Variants in MTUS1 observed in about 807,000 individuals in gnomAD.
MTUS1 encodes microtubule-associated tumor suppressor 1.
MTUS1 carries 109 observed loss-of-function variants against 120.8 expected under a neutral mutation model. The ratio of observed to expected loss-of-function variants is 0.90; its 90% CI spans 0.77 to 1.06. The LOEUF is 1.06. MTUS1 is among the 50% of genes least tolerant of loss of function. The pLI, the probability that MTUS1 is intolerant of heterozygous loss-of-function variation, is 0.00. For missense variants in MTUS1, 2,210 were observed against 1,486.3 expected (o/e 1.49, Z -8.01); for synonymous variants, 737 against 550.5 (o/e 1.34, Z -4.74).
intron 1 of MTUS1, among the ~76,000 whole-genome samples, chr8:17,796,558 T>C (rs1426993014): frequency 6.6e-6 from 1 of 152,144 alleles, no homozygotes; most frequent in African/African-American, 2.4e-5. Flanking sequence ...AATCTGCTTC[T>C]AGGGTATGAA....
chr8:17,778,083 C>G (rs1239377129), intron 1 of MTUS1, among the ~76,000 whole-genome samples: 1 of 152,032 alleles, frequency 6.6e-6, no homozygotes, highest in Non-Finnish European at 1.5e-5. Context: ...TGTTATTAAA[C>G]TAGGAAGAAA....
intron 1 of MTUS1, among the ~76,000 whole-genome samples, chr8:17,771,667 C>T (rs779099882): frequency 1.3e-5 from 2 of 152,278 alleles, no homozygotes; most frequent in East Asian, 1.9e-4. Context: ...AGGCAGTCTA[C>T]GCATGAAAAC....
At chr8:17,721,446 C>T (rs764824521) in intron 4 of MTUS1, among the ~76,000 whole-genome samples, 2 of 152,106 alleles carry the variant, frequency 1.3e-5, no homozygotes, top group Non-Finnish European at 2.9e-5. Context: ...ATCAAAAAGT[C>T]TTTGATAATA....
intron 1 of MTUS1, chr8:17,770,608 C>A (rs2049952284): frequency 6.6e-6 from 1 of 152,176 alleles, no homozygotes; most frequent in African/African-American, 2.4e-5. Flanking sequence ...CCAGACCGTA[C>A]AATGAAGCCT....
intron 1 of MTUS1, among the ~76,000 whole-genome samples, chr8:17,768,193 G>A (rs1342801672): frequency 1.3e-5 from 2 of 152,204 alleles, no homozygotes; most frequent in Non-Finnish European, 2.9e-5. Flanking sequence ...AGAGATACAC[G>A]AAGGATTTAC....
intron 7 of MTUS1, among the ~76,000 whole-genome samples, chr8:17,683,049 G>C (rs190730617): frequency 6.6e-6 from 1 of 152,354 alleles, no homozygotes; most frequent in East Asian, 1.9e-4. Context: ...GAGGCAGACA[G>C]ATCACAGGGT....
At chr8:17,763,487 G>A (rs1407922318) in intron 1 of MTUS1, among the ~76,000 whole-genome samples, 1 of 152,070 alleles carries the variant, frequency 6.6e-6, no homozygotes, top group African/African-American at 2.4e-5. Context: ...CCTGGCTTTT[G>A]ACTCACTCCA....
chr8:17,713,317 C>G, intron 5 of MTUS1, 65 bp from the exon 6 acceptor site: 1 of 915,588 alleles, frequency 1.1e-6, no homozygotes, highest in Non-Finnish European at 1.7e-6. Flanking sequence ...AAAAACAAAC[C>G]ATGTTGATAA....
chr8:17,673,732 G>T (rs891330505), intron 8 of MTUS1, among the ~76,000 whole-genome samples: 2 of 152,146 alleles, frequency 1.3e-5, no homozygotes, highest in African/African-American at 4.8e-5. Flanking sequence ...TGGGATTACA[G>T]GTGTGAGCTA....
chr8:17,654,128 C>A, intron 10 of MTUS1: 1 of 179,820 alleles, frequency 5.6e-6, no homozygotes, highest in East Asian at 1.5e-4. Flanking sequence ...TGGCTTACAC[C>A]CTCCCACTGA....
intron 1 of MTUS1, among the ~76,000 whole-genome samples, chr8:17,791,758 C>G (rs532731249): frequency 1.2e-4 from 18 of 152,150 alleles, no homozygotes; most frequent in Non-Finnish European, 2.2e-4. Flanking sequence ...AATTTAACTC[C>G]CAACCGACAG....
chr8:17,772,222 T>C (rs957873043), intron 1 of MTUS1, among the ~76,000 whole-genome samples: 3 of 152,188 alleles, frequency 2.0e-5, no homozygotes, highest in Non-Finnish European at 4.4e-5. Flanking sequence ...GAACATCGTA[T>C]GTATTAAAAG....
intron 3 of MTUS1, among the ~76,000 whole-genome samples, chr8:17,726,458 G>A (rs2046237011): frequency 6.6e-6 from 1 of 152,068 alleles, no homozygotes; most frequent in African/African-American, 2.4e-5. Flanking sequence ...TGGTCCTCAG[G>A]AACTGGCAAA....
intron 13 of MTUS1, 72 bp from the exon 14 acceptor site, chr8:17,647,151 A>C: frequency 8.8e-7 from 1 of 1,141,730 alleles, no homozygotes; most frequent in South Asian, 1.3e-5. Context: ...AAGGCACCTC[A>C]CGACACAAGC....
chr8:17,759,072 G>A (rs1318510151), intron 1 of MTUS1, among the ~76,000 whole-genome samples: 1 of 151,574 alleles, frequency 6.6e-6, no homozygotes, highest in Non-Finnish European at 1.5e-5. Flanking sequence ...TAGTAGAGAT[G>A]GTGTTCCACT....
chr8:17,799,231 T>C (rs2052491911), intron 1 of MTUS1, among the ~76,000 whole-genome samples: 1 of 151,620 alleles, frequency 6.6e-6, no homozygotes, highest in South Asian at 2.1e-4. Context: ...AACGTATTTG[T>C]TGCAAAAGTA....
At chr8:17,758,818 G>A (rs2048820138) in intron 1 of MTUS1, among the ~76,000 whole-genome samples, 1 of 152,190 alleles carries the variant, frequency 6.6e-6, no homozygotes, top group Admixed American at 6.5e-5. Flanking sequence ...CTCTTCTGAA[G>A]TGCATAAAAG....
chr8:17,787,809 T>A (rs1053940519), intron 1 of MTUS1, among the ~76,000 whole-genome samples: 1 of 152,200 alleles, frequency 6.6e-6, no homozygotes, highest in African/African-American at 2.4e-5. Flanking sequence ...CAAAGCTCAA[T>A]AGTTTATTCA....
chr8:17,794,260 G>A (rs1586449694), intron 1 of MTUS1, among the ~76,000 whole-genome samples: 2 of 151,938 alleles, frequency 1.3e-5, no homozygotes, highest in African/African-American at 2.4e-5. Context: ...CCCAGGAGGC[G>A]GACACTGCAG....
Sources: gnomAD v4.1 joint callset for allele counts (sites outside exome capture counted in the v4.1 genomes callset) on GRCh38, gnomAD v4.1.1 for gene constraint, MANE v1.5 for transcripts, NCBI Gene and HGNC (gene_info 2026-07-23, HGNC 2026-07-21) for gene names.